The following GRIK3 variants were observed in gnomAD, a reference collection of about 807,000 sequenced individuals.
GRIK3 encodes glutamate receptor ionotropic, kainate 3.
GRIK3 carries 29 observed loss-of-function variants against 102.5 expected under a neutral mutation model. The observed-to-expected ratio is 0.28, with a 90% CI of 0.21 to 0.39. The LOEUF is 0.39. Among genes scored for constraint, GRIK3 ranks in the 10% least tolerant of loss-of-function variants. GRIK3 has a pLI of 1.00. For synonymous variants in GRIK3, 511 were observed against 504.9 expected (o/e 1.01, Z -0.16); for missense variants, 908 against 1,252.4 (o/e 0.73, Z 4.15).
chr1:37,010,144 T>C (rs1642578765), intron 1 of GRIK3, among the ~76,000 whole-genome samples: 2 of 152,162 alleles, frequency 1.3e-5, no homozygotes, highest in African/African-American at 4.8e-5. Context: ...GATGTGAATT[T>C]GAGTTGTGCT....
At chr1:36,889,265 A>G (rs1030617330) in intron 2 of GRIK3, among the ~76,000 whole-genome samples, 19 of 151,710 alleles carry the variant, frequency 1.3e-4, no homozygotes, top group African/African-American at 4.6e-4. Context: ...TGGCCAGGCA[A>G]AGGGCAGGAG....
At position 36,994,202 on chromosome 1, in the gene GRIK3, A is replaced by G. The variant is rs567175386; in HGVS notation, c.115+39792T>C. ...CATTCTCAGTTCGGTGACCTAAAAT[A>G]TGTTACCTCACCTCTCTGAGCCTTG... On this transcript the variant is annotated intron_variant, in intron 1 of 15. Coordinates refer to ENST00000373091, the MANE Select transcript of GRIK3 (RefSeq NM_000831.4). Among the ~76,000 whole-genome samples, 35 of 152,252 alleles carry G rather than the reference A, an allele frequency of 2.3e-4. No homozygotes were observed. In the East Asian group the frequency reaches 5.4e-3, roughly 24 times the overall value.
chr1:36,905,018 C>T (rs932368332), intron 1 of GRIK3, among the ~76,000 whole-genome samples: 4 of 152,046 alleles, frequency 2.6e-5, no homozygotes, highest in African/African-American at 9.7e-5. Context: ...AGGTGAAAAC[C>T]TAGCAGAAAG....
chr1:36,865,343 A>AT (rs911306874), intron 5 of GRIK3, among the ~76,000 whole-genome samples: 4 of 152,014 alleles, frequency 2.6e-5, no homozygotes, highest in African/African-American at 7.2e-5. Flanking sequence ...AATTTGGAGA[A>AT]TTTTTTTTAG....
intron 3 of GRIK3, among the ~76,000 whole-genome samples, chr1:36,873,978 C>T (rs1264874984): frequency 2.0e-5 from 3 of 152,186 alleles, no homozygotes; most frequent in Non-Finnish European, 4.4e-5. Context: ...TCCTAATGAT[C>T]TTCACTTCAG....
chr1:36,935,547 T>C (rs969974224), intron 1 of GRIK3, among the ~76,000 whole-genome samples: 1 of 150,030 alleles, frequency 6.7e-6, no homozygotes, highest in Non-Finnish European at 1.5e-5. Flanking sequence ...CCCTCCCCCA[T>C]CTCTTCTCCC....
chr1:36,939,191 GA>G (rs1641693164), intron 1 of GRIK3, among the ~76,000 whole-genome samples: 1 of 152,222 alleles, frequency 6.6e-6, no homozygotes, highest in Non-Finnish European at 1.5e-5. Flanking sequence ...AGTGAAACAT[GA>G]AAAGCTGATC....
chr1:36,947,376 C>T (rs1335826824), intron 1 of GRIK3, among the ~76,000 whole-genome samples: 3 of 152,128 alleles, frequency 2.0e-5, no homozygotes, highest in Non-Finnish European at 2.9e-5. Flanking sequence ...ACGCTGGTCT[C>T]AGCTGCCCAC....
At chr1:37,015,205 G>A (rs541574138) in intron 1 of GRIK3, among the ~76,000 whole-genome samples, 1 of 152,208 alleles carries the variant, frequency 6.6e-6, no homozygotes, top group East Asian at 1.9e-4. Flanking sequence ...ACATCTCCCT[G>A]GAGATGATGT....
At chr1:36,860,163 C>T (rs1038820166) in intron 5 of GRIK3, 146 bp from the exon 6 acceptor site, 38 of 604,434 alleles carry the variant, frequency 6.3e-5, no homozygotes, top group African/African-American at 4.9e-4. Flanking sequence ...TGCGGGATAT[C>T]GGGGTAGTCA....
Position 37,034,147 on chromosome 1 carries a change from G to T in GRIK3, c.-39C>A. On this transcript the variant is annotated 5_prime_UTR_variant, in exon 1 of 16. Transcript: ENST00000373091. ...CGAGCGTGCCCGGGGCGCGGCCGTG[G>T]CGGGCTCCCTGGGGCGGCAGCTCTA... The T allele has an allele frequency of 1.8e-6, 2 of 1,132,750 alleles. No homozygotes were observed. The highest frequency in any genetic ancestry group is 3.0e-5 in the South Asian group (2 of 66,816). 70.2% of individuals were successfully genotyped at this position (1,132,750 alleles called of 1,614,324 possible).
At chr1:37,022,746 A>C (rs1642728510) in intron 1 of GRIK3, among the ~76,000 whole-genome samples, 1 of 152,218 alleles carries the variant, frequency 6.6e-6, no homozygotes, top group Non-Finnish European at 1.5e-5. Flanking sequence ...CATTCAAATG[A>C]CCATATTCAC....
rs1182045264 is a variant in GRIK3 at position 36,797,497 on chromosome 1, C to G, written c.*4354G>C. The G allele has an allele frequency of 6.6e-6, 1 of 152,126 alleles. No homozygotes were observed. Among genetic ancestry groups the G allele is most frequent in the Non-Finnish European group, 1.5e-5 (1 of 68,024 alleles). 9.4% of individuals were successfully genotyped at this position (152,126 alleles called of 1,614,324 possible). A position where few individuals can be genotyped will look rare whatever the true frequency, so the allele number is the denominator to read the frequency against. On this transcript the variant is annotated 3_prime_UTR_variant, in exon 16 of 16. Transcript: ENST00000373091. ...CCTTCCATGGCAGCCAGCAGCCGGG[C>G]CACTTCCAGATGTGTCCACTTGACC... is the stretch of plus-strand genomic sequence containing the variant.
intron 1 of GRIK3, among the ~76,000 whole-genome samples, chr1:36,973,416 CTTTTT>C (rs35394730): frequency 5.2e-5 from 6 of 114,948 alleles, no homozygotes; most frequent in African/African-American, 2.3e-4. Context: ...CTTCTTTTTC[CTTTTT>C]TTTTTTTTTT....
At chr1:36,927,864 G>T (rs1009078859) in intron 1 of GRIK3, among the ~76,000 whole-genome samples, 2 of 152,000 alleles carry the variant, frequency 1.3e-5, no homozygotes, top group African/African-American at 4.8e-5. Flanking sequence ...TTGGAGACCC[G>T]GAGCCCCGGC....
intron 1 of GRIK3, among the ~76,000 whole-genome samples, chr1:36,985,484 G>A (rs1226886106): frequency 2.0e-5 from 3 of 152,170 alleles, no homozygotes; most frequent in Admixed American, 2.0e-4. Context: ...TCTCTGGAGT[G>A]GGGGCTGCAA....
At chr1:36,921,779 T>C (rs910993694) in intron 1 of GRIK3, among the ~76,000 whole-genome samples, 3 of 152,058 alleles carry the variant, frequency 2.0e-5, no homozygotes, top group Admixed American at 6.5e-5. Flanking sequence ...TTTTATGAAA[T>C]CAAAGCAGAC....
intron 1 of GRIK3, among the ~76,000 whole-genome samples, chr1:37,026,801 G>C (rs1642768776): frequency 6.6e-6 from 1 of 151,928 alleles, no homozygotes; most frequent in Non-Finnish European, 1.5e-5. Flanking sequence ...TCAGACCCAA[G>C]ACATGCCATT....
chr1:37,020,557 C>A (rs1642699675), intron 1 of GRIK3, among the ~76,000 whole-genome samples: 1 of 151,972 alleles, frequency 6.6e-6, no homozygotes, highest in Non-Finnish European at 1.5e-5. Flanking sequence ...AATGCTCACT[C>A]GTTTTGTCAT....
Sources: gnomAD v4.1 joint callset for allele counts (sites outside exome capture counted in the v4.1 genomes callset) on GRCh38, gnomAD v4.1.1 for gene constraint, MANE v1.5 for transcripts, NCBI Gene and HGNC (gene_info 2026-07-23, HGNC 2026-07-21) for gene names.